The following ZNF335 variants were observed in gnomAD, a reference collection of about 807,000 sequenced individuals.
ZNF335 encodes the protein NRC-interacting factor 1.
ZNF335 carries 84 observed loss-of-function variants against 145.6 expected under a neutral mutation model. The ratio of observed to expected loss-of-function variants is 0.58; its 90% CI spans 0.48 to 0.69. The LOEUF (loss-of-function observed/expected upper bound fraction) is 0.69, where lower values mean the gene tolerates loss of function less well. Among genes scored for constraint, ZNF335 ranks in the 30% least tolerant of loss-of-function variants. The pLI is 0.00. For missense variants in ZNF335, 1,865 were observed against 1,809.7 expected (o/e 1.03, Z -0.55); for synonymous variants, 761 against 717.0 (o/e 1.06, Z -0.98).
At chr20:45,953,628 T>C (rs2083673123) in intron 18 of ZNF335, 61 bp downstream of exon 18, 10 of 1,591,756 alleles carry the variant, frequency 6.3e-6, no homozygotes, top group Non-Finnish European at 8.6e-6. Flanking sequence ...GGGGCCCAAA[T>C]CGGACCGACC....
At position 45,949,356 on chromosome 20, in the gene ZNF335, C is replaced by A. The variant is rs1568802533; in HGVS notation, c.3796G>T (p.Ala1266Ser). The change falls in exon 26 of 28, where the codon GCC (alanine) becomes TCC (serine). Residue 1266 changes from alanine (A) to serine (S), a missense_variant. Ala to Ser is a moderately conservative substitution (Grantham distance 99, BLOSUM62 1). Coordinates refer to ENST00000322927, the MANE Select transcript of ZNF335 (RefSeq NM_022095.4). ...ACCTGGGACTCCTGAAGGAACGGGG[C>A]TCCTTGTTCATACTGGATGTGTGTG... is the stretch of plus-strand genomic sequence containing the variant. Reference protein sequence around the residue: ...QITHIQYEQGAPFLQESQIQY... With the variant: ...QITHIQYEQGSPFLQESQIQY... 5 of 1,614,164 alleles carry A rather than the reference C, an allele frequency of 3.1e-6. No homozygotes were observed. The East Asian group carries it at 1.1e-4, about 36-fold the overall frequency.
chr20:45,964,111 C>T, intron 7 of ZNF335, 121 bp from the exon 8 acceptor site: 26 of 1,183,588 alleles, frequency 2.2e-5, no homozygotes, highest in Non-Finnish European at 3.0e-5. Flanking sequence ...CTGATGGGTG[C>T]ATTGAGTCAC....
intron 3 of ZNF335, chr20:45,968,585 C>T (rs941977363): frequency 2.6e-5 from 12 of 470,398 alleles, no homozygotes; most frequent in Non-Finnish European, 4.2e-5. Flanking sequence ...AGCCGGCCCA[C>T]ACTTACACAA....
At chr20:45,949,622 A>G (rs1188797070) in intron 24 of ZNF335, 54 bp from the exon 25 acceptor site, 4 of 1,545,502 alleles carry the variant, frequency 2.6e-6, no homozygotes, top group Non-Finnish European at 2.6e-6. Context: ...CCCACTCGCC[A>G]GGAGCTTAGC....
In ZNF335 at chr20:45,963,578, G is replaced by A. The variant is rs775897215; in HGVS notation, c.1428C>T (p.Ser476=). ...TGACGTGGAAGCGCAGGTCCTCGTG[G>A]GACAGAAAGCGAGAACCACAGATGC... ...LCRICGSRFL[S]HEDLRFHVNS... The change falls in exon 9 of 28, where the codon TCC becomes TCT. Residue 476 remains serine, a synonymous_variant. Coordinates refer to ENST00000322927, the MANE Select transcript of ZNF335 (RefSeq NM_022095.4). 2 of 1,614,226 alleles carry A rather than the reference G, an allele frequency of 1.2e-6. No homozygotes were observed. Among genetic ancestry groups the A allele is most frequent in the Non-Finnish European group, 1.7e-6 (2 of 1,180,034 alleles).
At chr20:45,949,633 TAAG>T (rs1451428754) in intron 24 of ZNF335, 65 bp from the exon 25 acceptor site, 2 of 1,518,808 alleles carry the variant, frequency 1.3e-6, no homozygotes, top group Non-Finnish European at 1.8e-6. Context: ...GGAGCTTAGC[TAAG>T]AAGGCAGAGT....
chr20:45,962,248 T>A, intron 9 of ZNF335, 66 bp from the exon 10 acceptor site: 10 of 1,283,530 alleles, frequency 7.8e-6, no homozygotes, highest in East Asian at 2.3e-5. Context: ...GTCCCCACCA[T>A]GCCTGTGGCC....
intron 4 of ZNF335, 119 bp from the exon 5 acceptor site, chr20:45,968,146 C>A: frequency 6.6e-7 from 1 of 1,513,204 alleles, no homozygotes; most frequent in South Asian, 1.2e-5. Flanking sequence ...CACCAGAGGC[C>A]AACCCGTCAG....
chr20:45,960,380 T>C lies in ZNF335; in HGVS notation c.1860-12A>G, dbSNP rs774936663. The C allele has an allele frequency of 2.5e-6, 4 of 1,614,000 alleles. No individual in the cohort carries two copies. Among genetic ancestry groups the C allele is most frequent in the Non-Finnish European group, 3.4e-6 (4 of 1,179,936 alleles). On this transcript the variant is annotated splice_polypyrimidine_tract_variant and intron_variant, in intron 13 of 27. Transcript: ENST00000322927. ...ACTCACACTTGAACCTGGAGGCGGT[T>C]AGAGGGAGGGAAGCTCAGTAATGAG...
intron 1 of ZNF335, chr20:45,971,846 C>A (rs968963327): frequency 5.1e-6 from 5 of 985,318 alleles, no homozygotes; most frequent in African/African-American, 1.7e-5. Context: ...TTCGCTCCCC[C>A]CCGGTTCCCC....
intron 24 of ZNF335, 108 bp downstream of exon 24, chr20:45,949,692 C>T: frequency 1.4e-6 from 2 of 1,465,354 alleles, no homozygotes; most frequent in Non-Finnish European, 1.9e-6. Context: ...TGTTGGCAAG[C>T]ATGGACCCCA....
intron 17 of ZNF335, among the ~76,000 whole-genome samples, chr20:45,954,614 G>C (rs1002358128): frequency 6.6e-6 from 1 of 151,946 alleles, no homozygotes; most frequent in African/African-American, 2.4e-5. Context: ...CTCATAAAAA[G>C]TGGACTTCCC....
At position 45,950,572 on chromosome 20, in the gene ZNF335, G is replaced by A. The variant is rs1214246768; in HGVS notation, c.3213C>T (p.Ser1071=). 2 of 1,613,948 alleles carry A rather than the reference G, an allele frequency of 1.2e-6. No individual in the cohort carries two copies. The highest frequency in any genetic ancestry group is 1.7e-6 in the Non-Finnish European group (2 of 1,180,026). The change falls in exon 21 of 28, where the codon AGC becomes AGT. Residue 1071 remains serine, a synonymous_variant. Coordinates refer to ENST00000322927, the MANE Select transcript of ZNF335 (RefSeq NM_022095.4). ...EVRAHMAQHS[S]LRPHQCSQCS... Reference sequence around the variant, plus strand: ...ACTGGCTACACTGGTGGGGCCGTAGGCTTGAGTGCTGTGCCATGTGCGCCT... The same window carrying A: ...ACTGGCTACACTGGTGGGGCCGTAGACTTGAGTGCTGTGCCATGTGCGCCT...
chr20:45,952,125 C>T lies in ZNF335; in HGVS notation c.3189+22G>A, dbSNP rs375782735. On this transcript the variant is annotated intron_variant, in intron 20 of 27. Transcript: ENST00000322927. Reference sequence around the variant, plus strand: ...GTAGCCCAATGAATGACAGCAGAGACACAGGAGCAACCAGCACCTACCCGG... The same window carrying T: ...GTAGCCCAATGAATGACAGCAGAGATACAGGAGCAACCAGCACCTACCCGG... The T allele has an allele frequency of 1.9e-6, 3 of 1,567,562 alleles. No homozygotes were observed. In the East Asian group the frequency reaches 6.8e-5, roughly 35 times the overall value.
At chr20:45,955,254 T>G (rs973175883) in intron 17 of ZNF335, among the ~76,000 whole-genome samples, 3 of 143,088 alleles carry the variant, frequency 2.1e-5, no homozygotes, top group Admixed American at 1.5e-4. Flanking sequence ...CTTGGGAGGC[T>G]GAGGCAGAAT....
At chr20:45,950,138 C>T in intron 22 of ZNF335, 69 bp from the exon 23 acceptor site, 1 of 1,598,024 alleles carries the variant, frequency 6.3e-7, no homozygotes, top group South Asian at 1.1e-5. Flanking sequence ...TGCTACTGTA[C>T]CCAGTGGTGC....
intron 17 of ZNF335, among the ~76,000 whole-genome samples, chr20:45,955,676 C>T (rs1288530167): frequency 6.6e-6 from 1 of 151,794 alleles, no homozygotes; most frequent in Non-Finnish European, 1.5e-5. Context: ...AAAAAGTAGC[C>T]AGGTGTGGTG....
intron 16 of ZNF335, 35 bp downstream of exon 16, chr20:45,957,800 C>A: frequency 2.5e-6 from 4 of 1,611,116 alleles, no homozygotes; most frequent in Non-Finnish European, 3.4e-6. Flanking sequence ...AGAGGTCCTA[C>A]CCTCCATGAG....
rs3848719 is a variant in ZNF335, at chr20:45,967,906, G to A, written c.642C>T (p.Ser214=). The part of the protein sequence containing the change: ...STCLEAQGGP[S]SPVQLPPASG... Reference sequence around the variant, plus strand: ...AGGCTGGGGGCAGCTGCACCGGGGAGCTGGGCCCACCCTGTGCCTCCAGGC... The same window carrying A: ...AGGCTGGGGGCAGCTGCACCGGGGAACTGGGCCCACCCTGTGCCTCCAGGC... Residue 214 remains serine (S), a synonymous_variant, in exon 5 of 28, where the codon AGC becomes AGT. Coordinates refer to ENST00000322927, the MANE Select transcript of ZNF335 (RefSeq NM_022095.4). The A allele has an allele frequency of 0.39, 632,521 of 1,612,760 alleles. 134,038 individuals carry two copies. Among genetic ancestry groups the A allele is most frequent in the Non-Finnish European group, 0.44 (522,096 of 1,179,946 alleles).
Sources: allele counts gnomAD v4.1 joint callset (sites outside exome capture counted in the v4.1 genomes callset), GRCh38; gene constraint gnomAD v4.1.1; transcripts MANE v1.5; gene names NCBI Gene and HGNC (gene_info 2026-07-23, HGNC 2026-07-21).